Variants in RIMS1 observed in about 807,000 individuals in gnomAD.
RIMS1 encodes the protein regulating synaptic membrane exocytosis protein 1.
Under a neutral mutation model 214.1 loss-of-function variants are expected in RIMS1, and 83 were observed. The ratio of observed to expected loss-of-function variants is 0.39; its 90% CI spans 0.32 to 0.47. RIMS1 has a LOEUF of 0.47. Ranked by LOEUF, RIMS1 falls within the 20% of genes least tolerant of loss-of-function variation. RIMS1 has a pLI of 0.99. For synonymous variants in RIMS1, 793 were observed against 786.8 expected (o/e 1.01, Z -0.13); for missense variants, 2,050 against 2,161.8 (o/e 0.95, Z 1.03).
At chr6:72,194,145 T>C (rs2050498911) in intron 6 of RIMS1, among the ~76,000 whole-genome samples, 1 of 152,226 alleles carries the variant, frequency 6.6e-6, no homozygotes, top group African/African-American at 2.4e-5. Flanking sequence ...AGAATCAATA[T>C]GGTTAAAATG....
intron 27 of RIMS1, among the ~76,000 whole-genome samples, chr6:72,307,661 C>T (rs577566363): frequency 4.6e-5 from 7 of 152,024 alleles, no homozygotes; most frequent in African/African-American, 1.7e-4. Context: ...GTAGGAGAAT[C>T]CCTTGAACCT....
chr6:72,253,010 C>T (rs1293458864), intron 16 of RIMS1, among the ~76,000 whole-genome samples, 178 bp downstream of exon 16: 2 of 152,124 alleles, frequency 1.3e-5, no homozygotes, highest in East Asian at 3.8e-4. Flanking sequence ...ATGGACTAGT[C>T]TCTACTAATT....
rs1834476959 is a variant in RIMS1, at chr6:72,085,604, G to A, written c.246-11345G>A. On this transcript the variant is annotated intron_variant, in intron 2 of 33. Coordinates refer to ENST00000521978, the MANE Select transcript of RIMS1 (RefSeq NM_014989.7). Reference sequence around the variant, plus strand: ...GTGAAAAAATTGCCTTCATTTTCAAGTTTATTCTTAATGTTTGCAGTCTCT... The same window carrying A: ...GTGAAAAAATTGCCTTCATTTTCAAATTTATTCTTAATGTTTGCAGTCTCT... Among the ~76,000 whole-genome samples, 2 of 152,084 alleles carry A rather than the reference G, an allele frequency of 1.3e-5. 1 individual carries two copies. The highest frequency in any genetic ancestry group is 4.1e-4 in the South Asian group (2 of 4,828).
intron 4 of RIMS1, among the ~76,000 whole-genome samples, chr6:72,158,323 C>T (rs1232904875): frequency 7.1e-6 from 1 of 140,748 alleles, no homozygotes; most frequent in East Asian, 2.0e-4. Flanking sequence ...GTCTTTTCTT[C>T]TGTTATGTTG....
At chr6:72,045,890 A>T (rs1224605420) in intron 2 of RIMS1, among the ~76,000 whole-genome samples, 36 of 149,616 alleles carry the variant, frequency 2.4e-4, no homozygotes, top group Admixed American at 7.3e-4. Flanking sequence ...TTTTTTTTTT[A>T]AATTGAAACC....
In RIMS1 at chr6:72,031,507, A is replaced by G. The variant is rs1018500433; in HGVS notation, c.245+62444A>G. ...TTAAAAATATAGAAAATGTTTCTCAATATAGGAAAGTAATTATAGAACTCA... is the reference window on the plus strand; with the variant it reads ...TTAAAAATATAGAAAATGTTTCTCAGTATAGGAAAGTAATTATAGAACTCA... On this transcript the variant is annotated intron_variant, in intron 2 of 33. Transcript: ENST00000521978. Among the ~76,000 whole-genome samples, 7 of 152,274 alleles carry G rather than the reference A, an allele frequency of 4.6e-5. No individual in the cohort carries two copies. In the South Asian group the frequency reaches 6.2e-4, roughly 14 times the overall value.
At chr6:72,010,653 T>C (rs1810138909) in intron 2 of RIMS1, among the ~76,000 whole-genome samples, 2 of 152,136 alleles carry the variant, frequency 1.3e-5, no homozygotes, top group African/African-American at 4.8e-5. Flanking sequence ...AAAATCAATG[T>C]GCAAAAATCA....
chr6:72,061,675 C>T (rs1293410151), intron 2 of RIMS1, among the ~76,000 whole-genome samples: 1 of 152,234 alleles, frequency 6.6e-6, no homozygotes, highest in Non-Finnish European at 1.5e-5. Context: ...TTCTGCTAAG[C>T]CTGTTTCAGC....
chr6:71,982,889 G>A (rs1798854092), intron 2 of RIMS1, among the ~76,000 whole-genome samples: 1 of 152,088 alleles, frequency 6.6e-6, no homozygotes, highest in Non-Finnish European at 1.5e-5. Flanking sequence ...AGTCCTGCCT[G>A]CACAGTGCCT....
intron 4 of RIMS1, among the ~76,000 whole-genome samples, chr6:72,104,482 C>G (rs558547653): frequency 5.9e-5 from 9 of 152,290 alleles, no homozygotes; most frequent in Admixed American, 5.2e-4. Flanking sequence ...GACCACTCAA[C>G]AGCAGTTACT....
chr6:72,224,652 T>A (rs1047361678), intron 6 of RIMS1, among the ~76,000 whole-genome samples: 1 of 152,220 alleles, frequency 6.6e-6, no homozygotes. Flanking sequence ...AGTCAATAAG[T>A]TAGTCTTTGA....
chr6:72,380,723 G>A (rs2098472136), intron 29 of RIMS1, among the ~76,000 whole-genome samples: 2 of 151,968 alleles, frequency 1.3e-5, no homozygotes, highest in South Asian at 4.2e-4. Flanking sequence ...ATTGAGATAG[G>A]GTCTCTCTGT....
intron 2 of RIMS1, among the ~76,000 whole-genome samples, chr6:71,994,505 A>T (rs1459936213): frequency 3.3e-5 from 5 of 152,330 alleles, no homozygotes; most frequent in African/African-American, 1.2e-4. Context: ...AGCACTCTTT[A>T]GACAAGTCAT....
Position 72,316,153 on chromosome 6 carries a change from C to G in RIMS1, c.4130+2481C>G, listed in dbSNP as rs562790791. Among the ~76,000 whole-genome samples, 3 of 152,218 alleles carry G rather than the reference C, an allele frequency of 2.0e-5. No individual in the cohort carries two copies. In the East Asian group the frequency reaches 5.8e-4, roughly 29 times the overall value. On this transcript the variant is annotated intron_variant, in intron 28 of 33. Coordinates refer to ENST00000521978, the MANE Select transcript of RIMS1 (RefSeq NM_014989.7). ...CCCCACCACCATGACCATGTAGGGT[C>G]CAGTCTACTCCCTAACCTTTTTCCC...
intron 26 of RIMS1, among the ~76,000 whole-genome samples, chr6:72,302,918 C>G (rs1489472760): frequency 6.6e-6 from 1 of 150,852 alleles, no homozygotes; most frequent in East Asian, 1.9e-4. Context: ...AACAATATAT[C>G]AATATAAATT....
intron 29 of RIMS1, among the ~76,000 whole-genome samples, chr6:72,375,710 G>A (rs1482965928): frequency 6.6e-6 from 1 of 152,162 alleles, no homozygotes; most frequent in Admixed American, 6.5e-5. Context: ...AGGGAGTGGG[G>A]CAAGGTTTGG....
At chr6:72,180,094 C>T (rs1368099390) in intron 5 of RIMS1, among the ~76,000 whole-genome samples, 179 bp downstream of exon 5, 1 of 152,196 alleles carries the variant, frequency 6.6e-6, no homozygotes, top group East Asian at 1.9e-4. Context: ...CCTTAGGAGA[C>T]CTTTGTTGAA....
At chr6:72,265,927 C>T (rs893619989) in intron 21 of RIMS1, 33 bp from the exon 22 acceptor site, 6 of 1,454,470 alleles carry the variant, frequency 4.1e-6, no homozygotes, top group Non-Finnish European at 5.7e-6. Context: ...CTGTCTTTCT[C>T]TTCTACCACT....
intron 2 of RIMS1, among the ~76,000 whole-genome samples, chr6:72,042,296 G>GA (rs1821670995): frequency 6.6e-6 from 1 of 151,794 alleles, no homozygotes; most frequent in African/African-American, 2.4e-5. Context: ...CTCTTATGGA[G>GA]AAAGGCTATG....
Sources: allele counts gnomAD v4.1 joint callset (sites outside exome capture counted in the v4.1 genomes callset), GRCh38; gene constraint gnomAD v4.1.1; transcripts MANE v1.5; gene names NCBI Gene and HGNC (gene_info 2026-07-23, HGNC 2026-07-21).